The following USP49 variants were observed in gnomAD, a reference collection of about 807,000 sequenced individuals.
USP49 encodes ubiquitin carboxyl-terminal hydrolase 49.
A neutral mutation model predicts 58.6 loss-of-function variants in USP49; 24 were observed. The ratio of observed to expected loss-of-function variants is 0.41; its 90% CI spans 0.30 to 0.58. USP49 has a LOEUF of 0.58. Ranked by LOEUF, USP49 falls within the 20% of genes least tolerant of loss-of-function variation. The pLI is 0.30. For missense variants in USP49, 703 were observed against 866.1 expected, an observed-to-expected ratio of 0.81 and a Z score of 2.36; for synonymous variants, 408 against 365.1, an observed-to-expected ratio of 1.12 and a Z score of -1.34.
chr6:41,840,517 C>T (rs1773806914), intron 3 of USP49, among the ~76,000 whole-genome samples: 1 of 151,980 alleles, frequency 6.6e-6, no homozygotes, highest in Non-Finnish European at 1.5e-5. Context: ...TTTGAAGAAC[C>T]AACAGTAGTG....
At chr6:41,796,851 GGGAA>G (rs1183087212) in intron 7 of USP49, 128 bp from the exon 8 acceptor site, 6 of 614,376 alleles carry the variant, frequency 9.8e-6, no homozygotes, top group Non-Finnish European at 1.7e-5. Flanking sequence ...ATTATTGGTG[GGGAA>G]GGGACAGGTA....
intron 3 of USP49, among the ~76,000 whole-genome samples, chr6:41,816,996 G>C (rs1175978899): frequency 1.3e-5 from 2 of 150,258 alleles, no homozygotes. Context: ...ATGAGCCACT[G>C]CACCTGGCTA....
chr6:41,835,624 G>A (rs200905050), intron 3 of USP49, among the ~76,000 whole-genome samples: 1 of 151,106 alleles, frequency 6.6e-6, no homozygotes, highest in South Asian at 2.1e-4. Context: ...TGATGCAGGA[G>A]AATCACTTGA....
At chr6:41,818,547 T>G (rs1460769890) in intron 3 of USP49, among the ~76,000 whole-genome samples, 3 of 152,180 alleles carry the variant, frequency 2.0e-5, no homozygotes, top group Non-Finnish European at 4.4e-5. Context: ...AGGGCTGATG[T>G]TAAACAAGCA....
In USP49 at chr6:41,792,676, A is replaced by G. The variant is rs1772817782; in HGVS notation, c.*3857T>C. ...AATTTGGACATTGTAACATAATTTC[A>G]GAACTTGCTGGTAAGAATAATTTGC... On this transcript the variant is annotated 3_prime_UTR_variant, in exon 8 of 8. Transcript: ENST00000682992. 6.6e-6 allele frequency: 1 copy of G among 152,266 alleles called. No homozygotes were observed. The highest frequency in any genetic ancestry group is 2.1e-4 in the South Asian group (1 of 4,838). The allele number at this position is 152,266 out of a possible 1,614,324, so 9.4% of individuals were successfully genotyped here.
chr6:41,872,611 G>A (rs1561924317), intron 2 of USP49, among the ~76,000 whole-genome samples: 1 of 151,950 alleles, frequency 6.6e-6, no homozygotes, highest in Non-Finnish European at 1.5e-5. Context: ...AAGAAAATAT[G>A]TTCCCGGCCA....
intron 3 of USP49, among the ~76,000 whole-genome samples, chr6:41,818,671 G>C (rs759722999): frequency 7.2e-5 from 11 of 152,128 alleles, no homozygotes; most frequent in Non-Finnish European, 1.2e-4. Flanking sequence ...TCCGCACCTT[G>C]GTCAGCTAAC....
intron 3 of USP49, among the ~76,000 whole-genome samples, chr6:41,808,894 C>T (rs769979966): frequency 5.9e-4 from 90 of 151,992 alleles, no homozygotes; most frequent in Admixed American, 1.8e-3. Flanking sequence ...CCTGTCCTAT[C>T]TAATCTATCT....
intron 3 of USP49, among the ~76,000 whole-genome samples, chr6:41,810,030 T>TA (rs1287879333): frequency 2.8e-5 from 4 of 142,254 alleles, no homozygotes; most frequent in African/African-American, 1.0e-4. Context: ...CGGGTGCCTT[T>TA]AGTCCCAGCT....
At chr6:41,798,492 TCTCGAA>T in intron 7 of USP49, 1 of 1,242,056 alleles carries the variant, frequency 8.1e-7, no homozygotes, top group Non-Finnish European at 1.1e-6. Context: ...GCCAGGCTGG[TCTCGAA>T]CTCCTGACCT....
chr6:41,815,579 A>G (rs1773335346), intron 3 of USP49, among the ~76,000 whole-genome samples: 1 of 152,080 alleles, frequency 6.6e-6, no homozygotes, highest in Non-Finnish European at 1.5e-5. Flanking sequence ...TATCAGTGCC[A>G]TTGTCTCTGA....
In USP49 at chr6:41,793,763, TAAA is replaced by T. The variant is rs1165904394; in HGVS notation, c.*2767_*2769del. On this transcript the variant is annotated 3_prime_UTR_variant, in exon 8 of 8. Coordinates refer to ENST00000682992, the MANE Select transcript of USP49 (RefSeq NM_001286554.2). Reference sequence around the variant, plus strand: ...ATATGAGGGTCAGGCTAGATTGAGGTAAAAAAAAATCCTTTTTGAGGGCCTAGG... The same window carrying T: ...ATATGAGGGTCAGGCTAGATTGAGGTAAAAAATCCTTTTTGAGGGCCTAGG... 3 of 151,392 alleles carry T rather than the reference TAAA, an allele frequency of 2.0e-5. No individual in the cohort carries two copies. The highest frequency in any genetic ancestry group is 2.1e-4 in the South Asian group (1 of 4,784). The allele number at this position is 151,392 out of a possible 1,614,324, so 9.4% of individuals were successfully genotyped here.
intron 2 of USP49, among the ~76,000 whole-genome samples, chr6:41,890,237 G>T (rs1167563785): frequency 6.6e-6 from 1 of 151,988 alleles, no homozygotes; most frequent in Admixed American, 6.6e-5. Context: ...ACCTTGGCTG[G>T]ATGTGGTGGT....
At chr6:41,865,916 C>CT (rs34663718) in intron 3 of USP49, among the ~76,000 whole-genome samples, 4,362 of 65,292 alleles carry the variant, frequency 0.067, 524 homozygotes, top group African/African-American at 0.18. Flanking sequence ...AGCATGGTGC[C>CT]TTTTTTTTTT....
At chr6:41,883,583 A>G (rs2127364173) in intron 2 of USP49, among the ~76,000 whole-genome samples, 1 of 152,102 alleles carries the variant, frequency 6.6e-6, no homozygotes, top group Admixed American at 6.5e-5. Flanking sequence ...AGATCATGCC[A>G]CTGCATTCCA....
chr6:41,854,415 A>C (rs1178543930), intron 3 of USP49, among the ~76,000 whole-genome samples: 1 of 151,872 alleles, frequency 6.6e-6, no homozygotes, highest in East Asian at 1.9e-4. Flanking sequence ...CTGCGATTTC[A>C]TTCTATCCCA....
intron 2 of USP49, among the ~76,000 whole-genome samples, chr6:41,875,639 C>T (rs1774490340): frequency 6.6e-6 from 1 of 152,144 alleles, no homozygotes; most frequent in Non-Finnish European, 1.5e-5. Context: ...ACTACCCATC[C>T]ACTCCATTAT....
rs1389221700 is a variant in USP49 at position 41,803,763 on chromosome 6, A to G, written c.1561+43T>C. 6 of 1,604,590 alleles carry G rather than the reference A, an allele frequency of 3.7e-6. No individual in the cohort carries two copies. The highest frequency in any genetic ancestry group is 1.3e-5 in the African/African-American group (1 of 74,712). ...AGCAGCACCTTAAACTGATATTCCA[A>G]TTATTCTTCCCCACTACGCCCCCTC... On this transcript the variant is annotated intron_variant, in intron 5 of 7. Transcript: ENST00000682992. The surrounding 1 kb of genome is among the most constrained non-coding windows in gnomAD (Gnocchi z 4.1).
chr6:41,842,322 G>A (rs899194619), intron 3 of USP49, among the ~76,000 whole-genome samples: 2 of 151,696 alleles, frequency 1.3e-5, no homozygotes, highest in Admixed American at 6.6e-5. Flanking sequence ...GCAGTGAGCC[G>A]AGATCATGCC....
Sources: allele counts gnomAD v4.1 joint callset (sites outside exome capture counted in the v4.1 genomes callset), GRCh38; gene constraint gnomAD v4.1.1; non-coding constraint Gnocchi (gnomAD v3.1); transcripts MANE v1.5; gene names NCBI Gene and HGNC (gene_info 2026-07-23, HGNC 2026-07-21).